The following H1-8 variants were observed in gnomAD, a reference collection of about 807,000 sequenced individuals.
The protein encoded by H1-8 is histone H1.8.
In H1-8, 13 loss-of-function variants were observed where a neutral mutation model predicts 19.5. That is an observed-to-expected ratio of 0.67 (90% CI 0.43 to 1.06). H1-8 has a LOEUF of 1.06. Among genes scored for constraint, H1-8 ranks in the 50% least tolerant of loss-of-function variants. The probability of loss-of-function intolerance (pLI) is 0.00; values close to 1 mark genes in which losing one functional copy is unlikely to be tolerated. For synonymous variants in H1-8, 193 were observed against 187.6 expected, an observed-to-expected ratio of 1.03 and a Z score of -0.24; for missense variants, 432 against 459.8, an observed-to-expected ratio of 0.94 and a Z score of 0.55.
chr3:129,549,478 G>T (rs761457371), intron 3 of H1-8, 114 bp downstream of exon 3: 125 of 1,259,314 alleles, frequency 9.9e-5, no homozygotes, highest in Non-Finnish European at 9.8e-5. Flanking sequence ...CATGTGTCCT[G>T]AGTGCTGGGC....
At chr3:129,547,291 C>A (rs1041386406) in intron 1 of H1-8, 100 bp from the exon 2 acceptor site, 2 of 1,260,094 alleles carry the variant, frequency 1.6e-6, no homozygotes, top group African/African-American at 3.0e-5. Flanking sequence ...AGGGGGGCAT[C>A]TGATCCTTGC....
rs141984774 is a variant in H1-8, at chr3:129,549,296, T to C, written c.674T>C (p.Met225Thr). The C allele has an allele frequency of 1.4e-4, 222 of 1,598,074 alleles. No individual in the cohort carries two copies. Among genetic ancestry groups the C allele is most frequent in the Non-Finnish European group, 1.7e-4 (201 of 1,174,772 alleles). Residue 225 changes from methionine to threonine, a missense_variant, in exon 3 of 5, where the codon ATG becomes ACG. By Grantham distance (81) the Met-to-Thr change is moderately conservative. Coordinates refer to ENST00000324382, the MANE Select transcript of H1-8 (RefSeq NM_153833.3). Reference protein sequence around the residue: ...RKVPPKPDKAMRAPSSAGGLS... With the variant: ...RKVPPKPDKATRAPSSAGGLS... ...GTGCCCCCCAAGCCAGACAAGGCCA[T>C]GCGGGCACCTTCCAGTGCTGGTGGG... is the stretch of plus-strand genomic sequence containing the variant.
In H1-8 at chr3:129,549,064, A is replaced by T. The variant is rs2084912155; in HGVS notation, c.442A>T (p.Arg148Ter). 1.9e-6 allele frequency: 3 copies of T among 1,612,912 alleles called. No individual in the cohort carries two copies. Among genetic ancestry groups the T allele is most frequent in the Non-Finnish European group, 2.5e-6 (3 of 1,179,414 alleles). Residue 148 changes from arginine to a stop codon, truncating the protein, a stop_gained, in exon 3 of 5, where the codon AGA becomes TGA. Transcript: ENST00000324382. LOFTEE classifies it high-confidence loss of function. ...RKMAPATAPR[R>*]AGEAKGKGPK... ...GATGGCCCCCGCGACGGCTCCCAGG[A>T]GAGCGGGTGAGGCCAAGGGGAAGGG... is the stretch of plus-strand genomic sequence containing the variant.
intron 1 of H1-8, among the ~76,000 whole-genome samples, chr3:129,546,612 C>T (rs182181730): frequency 8.5e-5 from 13 of 152,340 alleles, no homozygotes; most frequent in Admixed American, 7.8e-4. Context: ...TATTTCCTTC[C>T]AGTGCTCACA....
chr3:129,549,724 C>A (rs192794958), intron 3 of H1-8, among the ~76,000 whole-genome samples: 3 of 152,018 alleles, frequency 2.0e-5, no homozygotes. Context: ...GAGGCCAAGG[C>A]GGGCGGATCC....
At position 129,547,416 on chromosome 3, in the gene H1-8, A is replaced by T; in HGVS notation, c.114A>T (p.Pro38=). 1 of 1,369,600 alleles carries T rather than the reference A, an allele frequency of 7.3e-7. No homozygotes were observed. Among genetic ancestry groups the T allele is most frequent in the Non-Finnish European group, 9.6e-7 (1 of 1,037,310 alleles). 84.8% of individuals were successfully genotyped at this position (1,369,600 alleles called of 1,614,324 possible). ...KPGPSHGGVP[P]GGPSHSSLPV... is the part of the protein sequence containing the mutation. ...GCCCGAGCCACGGCGGTGTCCCACC[A>T]GGAGGCCCGAGCCACAGCAGCCTCC... The change falls in exon 2 of 5, where the codon CCA becomes CCT. Residue 38 remains proline (P), a synonymous_variant. Transcript: ENST00000324382.
At position 129,548,920 on chromosome 3, in the gene H1-8, C is replaced by T. The variant is rs548391893; in HGVS notation, c.379-81C>T. The T allele has an allele frequency of 2.0e-6, 3 of 1,509,952 alleles. No homozygotes were observed. The African/African-American group carries it at 4.2e-5, about 21-fold the overall frequency. 93.5% of individuals were successfully genotyped at this position (1,509,952 alleles called of 1,614,324 possible). Reference sequence around the variant, plus strand: ...AGCCCCCCTGTTTGGAACGAGGCCTCCCATTCGGAGTCTTACGGGGGGTGG... The same window carrying T: ...AGCCCCCCTGTTTGGAACGAGGCCTTCCATTCGGAGTCTTACGGGGGGTGG... On this transcript the variant is annotated intron_variant, in intron 2 of 4. Transcript: ENST00000324382.
intron 1 of H1-8, among the ~76,000 whole-genome samples, chr3:129,544,852 G>A (rs2084876318): frequency 1.3e-5 from 2 of 152,018 alleles, no homozygotes; most frequent in Non-Finnish European, 2.9e-5. Context: ...CTGAGGCCTA[G>A]AGGGAAGAAT....
At chr3:129,550,710 T>C (rs778017088) in intron 3 of H1-8, 35 bp from the exon 4 acceptor site, 42 of 1,594,904 alleles carry the variant, frequency 2.6e-5, no homozygotes, top group Non-Finnish European at 3.4e-5. Flanking sequence ...AGTTCCTCCT[T>C]CTTCCCCTAT....
intron 1 of H1-8, among the ~76,000 whole-genome samples, chr3:129,545,579 T>G (rs910199546): frequency 1.3e-5 from 2 of 152,184 alleles, no homozygotes; most frequent in Non-Finnish European, 2.9e-5. Flanking sequence ...CAGTACCCAT[T>G]AGCAGTCACT....
At chr3:129,548,959 C>A in intron 2 of H1-8, 42 bp from the exon 3 acceptor site, 2 of 1,553,084 alleles carry the variant, frequency 1.3e-6, no homozygotes, top group Non-Finnish European at 1.7e-6. Flanking sequence ...GCGTGAGGCA[C>A]CTGAGGCTCT....
chr3:129,549,218 AG>A lies in H1-8; in HGVS notation c.597del (p.Lys199AsnfsTer?). 6.3e-7 allele frequency: 1 copy of A among 1,576,114 alleles called. No individual in the cohort carries two copies. The highest frequency in any genetic ancestry group is 8.6e-7 in the Non-Finnish European group (1 of 1,160,642). On this transcript the variant is annotated frameshift_variant, in exon 3 of 5. Coordinates refer to ENST00000324382, the MANE Select transcript of H1-8 (RefSeq NM_153833.3). LOFTEE classifies it high-confidence loss of function. ...KPGAATEKAR[K>X]QGGAAKDTRA... is the part of the protein sequence containing the mutation. ...GGCGCAGCCACAGAGAAGGCTCGCA[AG>A]CAAGGCGGCGCGGCCAAGGACACCA...
chr3:129,550,719 A>G (rs1276437345), intron 3 of H1-8, 26 bp from the exon 4 acceptor site: 4 of 1,608,652 alleles, frequency 2.5e-6, no homozygotes, highest in Non-Finnish European at 3.4e-6. Flanking sequence ...TTCTTCCCCT[A>G]TAAAACCTCC....
At chr3:129,546,566 T>C (rs2084890567) in intron 1 of H1-8, among the ~76,000 whole-genome samples, 1 of 152,240 alleles carries the variant, frequency 6.6e-6, no homozygotes, top group Non-Finnish European at 1.5e-5. Flanking sequence ...GTAATACCAT[T>C]AGCACACTTG....
chr3:129,549,278 C>G lies in H1-8; in HGVS notation c.656C>G (p.Pro219Arg). Reference sequence around the variant, plus strand: ...TCGGGAGAGGCTAGGAAGGTGCCCCCCAAGCCAGACAAGGCCATGCGGGCA... The same window carrying G: ...TCGGGAGAGGCTAGGAAGGTGCCCCGCAAGCCAGACAAGGCCATGCGGGCA... ...AQSGEARKVPPKPDKAMRAPS... is the reference protein window; with the variant it reads ...AQSGEARKVPRKPDKAMRAPS... The change falls in exon 3 of 5, where the codon CCC becomes CGC. Residue 219 changes from proline to arginine, a missense_variant. Pro to Arg is a moderately radical substitution (Grantham distance 103, BLOSUM62 -2). Transcript: ENST00000324382. The G allele has an allele frequency of 6.3e-7, 1 of 1,581,640 alleles. No individual in the cohort carries two copies. The highest frequency in any genetic ancestry group is 1.2e-5 in the South Asian group (1 of 86,736).
In H1-8 at chr3:129,549,464, A is replaced by G. The variant is rs1043402425; in HGVS notation, c.742+100A>G. 4 of 1,354,594 alleles carry G rather than the reference A, an allele frequency of 3.0e-6. No individual in the cohort carries two copies. The African/African-American group carries it at 4.3e-5, about 15-fold the overall frequency. The allele number at this position is 1,354,594 out of a possible 1,614,324, so 83.9% of individuals were successfully genotyped here. A position where few individuals can be genotyped will look rare whatever the true frequency, so the allele number is the denominator to read the frequency against. ...GCTCTGGAGAGGGGTTTCCTTATCT[A>G]GTGCATGTGTCCTGAGTGCTGGGCT... On this transcript the variant is annotated intron_variant, in intron 3 of 4. Transcript: ENST00000324382.
chr3:129,551,395 A>G lies in H1-8; in HGVS notation c.*55A>G. On this transcript the variant is annotated 3_prime_UTR_variant, in exon 5 of 5. Transcript: ENST00000324382. ...GCCTCTGCCCTAGTTTTTATTCTTC[A>G]ACTAACCACTGCTCTATTTATTTCA... The G allele has an allele frequency of 2.0e-6, 2 of 1,025,092 alleles. No individual in the cohort carries two copies. Among genetic ancestry groups the G allele is most frequent in the Non-Finnish European group, 2.9e-6 (2 of 684,084 alleles). The allele number at this position is 1,025,092 out of a possible 1,614,324, so 63.5% of individuals were successfully genotyped here.
chr3:129,547,296 C>A (rs2084895765), intron 1 of H1-8, 95 bp from the exon 2 acceptor site: 1 of 1,301,566 alleles, frequency 7.7e-7, no homozygotes. Context: ...GGCATCTGAT[C>A]CTTGCTGGAC....
At chr3:129,547,822 T>C in intron 2 of H1-8, 142 bp downstream of exon 2, 2 of 775,402 alleles carry the variant, frequency 2.6e-6, no homozygotes, top group Non-Finnish European at 4.0e-6. Context: ...AGATGCCCTC[T>C]CCTCTAGGAA....
Sources: allele counts gnomAD v4.1 joint callset (sites outside exome capture counted in the v4.1 genomes callset), GRCh38; gene constraint gnomAD v4.1.1; transcripts MANE v1.5; gene names NCBI Gene and HGNC (gene_info 2026-07-23, HGNC 2026-07-21).